Variants in RAD54B observed in about 807,000 individuals in gnomAD.
RAD54B encodes RAD54 homolog B, also known as DNA repair and recombination protein RAD54B.
Under a neutral mutation model 95.8 loss-of-function variants are expected in RAD54B, and 78 were observed. The ratio of observed to expected loss-of-function variants is 0.81; its 90% CI spans 0.68 to 0.98. The LOEUF (loss-of-function observed/expected upper bound fraction) is 0.98, where lower values mean the gene tolerates loss of function less well. RAD54B is among the 50% of genes least tolerant of loss of function. RAD54B has a pLI of 0.00. For synonymous variants in RAD54B, 328 were observed against 354.9 expected (o/e 0.92, Z 0.85); for missense variants, 957 against 1,056.6 (o/e 0.91, Z 1.31).
At chr8:94,411,499 A>G (rs958174396) in intron 3 of RAD54B, among the ~76,000 whole-genome samples, 184 bp from the exon 4 acceptor site, 2 of 152,096 alleles carry the variant, frequency 1.3e-5, no homozygotes, top group African/African-American at 4.8e-5. Context: ...AGGTGTTAAT[A>G]TTACCAGATG....
intron 3 of RAD54B, among the ~76,000 whole-genome samples, chr8:94,417,092 T>A (rs1811691740): frequency 6.6e-6 from 1 of 152,126 alleles, no homozygotes. Context: ...AAAACACGGA[T>A]GAACCCTGAA....
At position 94,430,599 on chromosome 8, in the gene RAD54B, G is replaced by A. The variant is rs866290475; in HGVS notation, c.305-19284C>T. ...TAACAAGTTCTCAAGTGATGCTGAT[G>A]CTGCTGGTCAGGACCCATACTTGGA... On this transcript the variant is annotated intron_variant, in intron 3 of 14. Coordinates refer to ENST00000336148, the MANE Select transcript of RAD54B (RefSeq NM_012415.3). 10 of 607,994 alleles carry A rather than the reference G, an allele frequency of 1.6e-5. 1 individual carries two copies. Among genetic ancestry groups the A allele is most frequent in the Middle Eastern group, 1.7e-3 (2 of 1,194 alleles). The allele number at this position is 607,994 out of a possible 1,614,324, so 37.7% of individuals were successfully genotyped here.
At chr8:94,432,275 A>AT in intron 3 of RAD54B, 2 of 1,550,204 alleles carry the variant, frequency 1.3e-6, no homozygotes, top group Middle Eastern at 3.3e-4. Context: ...ACAATCCAAA[A>AT]TTTTTTTGAT....
intron 3 of RAD54B, chr8:94,429,003 CA>C (rs993986066): frequency 2.0e-5 from 20 of 982,612 alleles, no homozygotes; most frequent in Non-Finnish European, 1.1e-5. Context: ...CATGGTTATA[CA>C]AGGGGAGGTA....
chr8:94,430,183 C>T (rs937171353), intron 3 of RAD54B: 2 of 592,448 alleles, frequency 3.4e-6, no homozygotes, highest in Non-Finnish European at 4.2e-6. Context: ...CATGGTGGTG[C>T]GCCTGTAGTC....
chr8:94,405,232 T>C (rs1364816538), intron 5 of RAD54B, among the ~76,000 whole-genome samples: 1 of 152,102 alleles, frequency 6.6e-6, no homozygotes, highest in Non-Finnish European at 1.5e-5. Context: ...CAAAATCAAA[T>C]ATAACTAGAA....
intron 3 of RAD54B, among the ~76,000 whole-genome samples, chr8:94,422,486 C>T (rs7460548): frequency 7.0e-6 from 1 of 143,864 alleles, no homozygotes; most frequent in Non-Finnish European, 1.5e-5. Flanking sequence ...ACTTGGGTAG[C>T]TGAGACAGGA....
At chr8:94,436,702 A>G in intron 3 of RAD54B, 2 of 1,550,684 alleles carry the variant, frequency 1.3e-6, no homozygotes, top group Non-Finnish European at 1.7e-6. Context: ...GTCTACTCCA[A>G]TTGCATTATA....
chr8:94,384,160 G>T (rs918062092), intron 11 of RAD54B, among the ~76,000 whole-genome samples: 1 of 151,418 alleles, frequency 6.6e-6, no homozygotes, highest in Non-Finnish European at 1.5e-5. Flanking sequence ...TAAAAAAAAA[G>T]AATTCAAAGC....
chr8:94,424,790 A>G (rs1395597704), intron 3 of RAD54B, among the ~76,000 whole-genome samples: 1 of 152,160 alleles, frequency 6.6e-6, no homozygotes, highest in Non-Finnish European at 1.5e-5. Flanking sequence ...CAGCTGGCAC[A>G]GTGGCTCACA....
At chr8:94,425,867 T>C (rs922004039) in intron 3 of RAD54B, among the ~76,000 whole-genome samples, 2 of 151,762 alleles carry the variant, frequency 1.3e-5, no homozygotes, top group Admixed American at 6.6e-5. Context: ...CTAAATTACC[T>C]GTCCAACATT....
intron 2 of RAD54B, among the ~76,000 whole-genome samples, chr8:94,462,779 GT>G (rs1563666307): frequency 6.6e-6 from 1 of 152,106 alleles, no homozygotes; most frequent in East Asian, 1.9e-4. Context: ...CCCCACTTCA[GT>G]TTTAAAAAGT....
rs191366510 is a variant in RAD54B at position 94,445,851 on chromosome 8, G to C, written c.304+12417C>G. On this transcript the variant is annotated intron_variant, in intron 3 of 14. Coordinates refer to ENST00000336148, the MANE Select transcript of RAD54B (RefSeq NM_012415.3). ...TAGGCTTAAGTACATTAATCTTAAT[G>C]AATTGCATGAATTATTTTGAGGAAA... Among the ~76,000 whole-genome samples the C allele has an allele frequency of 2.2e-4, 34 of 152,156 alleles. No homozygotes were observed. The East Asian group carries it at 6.4e-3, about 28-fold the overall frequency.
chr8:94,444,205 T>G (rs141469397), intron 3 of RAD54B, among the ~76,000 whole-genome samples: 2 of 152,182 alleles, frequency 1.3e-5, no homozygotes, highest in African/African-American at 2.4e-5. Flanking sequence ...TGGCAAAAGT[T>G]AAAAAGTTTA....
At position 94,399,062 on chromosome 8, in the gene RAD54B, T is replaced by C. The variant is rs1457256556; in HGVS notation, c.1378+352A>G. Among the ~76,000 whole-genome samples, 3 of 152,100 alleles carry C rather than the reference T, an allele frequency of 2.0e-5. No homozygotes were observed. The East Asian group carries it at 5.8e-4, about 29-fold the overall frequency. On this transcript the variant is annotated intron_variant, in intron 8 of 14. Coordinates refer to ENST00000336148, the MANE Select transcript of RAD54B (RefSeq NM_012415.3). ...TCTACAAAGTTAGATGGTATTATCA[T>C]TCCTATTTTAGAGATTTAAAAAAAC...
At chr8:94,440,870 A>G (rs536064087) in intron 3 of RAD54B, among the ~76,000 whole-genome samples, 20 of 152,264 alleles carry the variant, frequency 1.3e-4, no homozygotes, top group Admixed American at 7.8e-4. Context: ...ATTGTTTTAT[A>G]TTGTTTTATA....
At chr8:94,439,896 A>C (rs974615406) in intron 3 of RAD54B, among the ~76,000 whole-genome samples, 1 of 152,196 alleles carries the variant, frequency 6.6e-6, no homozygotes, top group African/African-American at 2.4e-5. Context: ...ATCAGACCTA[A>C]AAGAGTGCCT....
chr8:94,394,088 T>C (rs1301040396), intron 8 of RAD54B, among the ~76,000 whole-genome samples: 2 of 152,206 alleles, frequency 1.3e-5, no homozygotes, highest in African/African-American at 2.4e-5. Context: ...CTGGTTTTAA[T>C]TGCATACTAA....
intron 3 of RAD54B, chr8:94,437,014 T>C (rs1222619753): frequency 2.2e-6 from 3 of 1,375,914 alleles, no homozygotes; most frequent in South Asian, 3.8e-5. Flanking sequence ...TTTATTAAAA[T>C]TCCTCCAGCT....
Sources: allele counts gnomAD v4.1 joint callset (sites outside exome capture counted in the v4.1 genomes callset), GRCh38; gene constraint gnomAD v4.1.1; transcripts MANE v1.5; gene names NCBI Gene and HGNC (gene_info 2026-07-23, HGNC 2026-07-21).